Variants in ARAP2 observed in about 807,000 individuals in gnomAD.
ARAP2 encodes the protein ArfGAP with RhoGAP domain, ankyrin repeat and PH domain 2, also known as arf-GAP with Rho-GAP domain, ANK repeat and PH domain-containing protein 2.
In ARAP2, 148 loss-of-function variants were observed where a neutral mutation model predicts 194.5. The ratio of observed to expected loss-of-function variants is 0.76; its 90% confidence interval spans 0.67 to 0.87. The LOEUF is 0.87. Ranked by LOEUF, ARAP2 falls within the 40% of genes least tolerant of loss-of-function variation. The probability of loss-of-function intolerance (pLI) is 0.00; values close to 1 mark genes in which losing one functional copy is unlikely to be tolerated. For synonymous variants in ARAP2, 695 were observed against 683.5 expected (o/e 1.02, Z -0.26); for missense variants, 2,128 against 1,989.7 (o/e 1.07, Z -1.32).
chr4:36,065,380 A>C, downstream of ARAP2: 1 of 523,492 alleles, frequency 1.9e-6, no homozygotes. Context: ...TCATAGTGCC[A>C]GGGCCCCAGG....
At chr4:36,053,226 G>T (rs1262535494) in intron 2 of ARAP2, among the ~76,000 whole-genome samples, 1 of 151,738 alleles carries the variant, frequency 6.6e-6, no homozygotes, top group Non-Finnish European at 1.5e-5. Flanking sequence ...GGCTGGTCTT[G>T]AACTTTTGAC....
intron 5 of ARAP2, among the ~76,000 whole-genome samples, chr4:36,028,568 C>A (rs964239983): frequency 6.6e-6 from 1 of 150,724 alleles, no homozygotes; most frequent in Admixed American, 6.6e-5. Context: ...TGTACTTTTT[C>A]ATTTTCTTTC....
intron 24 of ARAP2, among the ~76,000 whole-genome samples, chr4:36,119,291 A>G (rs923419003): frequency 6.6e-6 from 1 of 151,504 alleles, no homozygotes; most frequent in African/African-American, 2.4e-5. Context: ...ATAACAATAG[A>G]AAGAATCACT....
At chr4:36,123,439 T>C (rs756357007) in intron 22 of ARAP2, among the ~76,000 whole-genome samples, 1 of 151,782 alleles carries the variant, frequency 6.6e-6, no homozygotes, top group Non-Finnish European at 1.5e-5. Context: ...TGCAGTATCA[T>C]CCCCTTTGGT....
At chr4:36,110,447 A>G (rs970219041) in intron 26 of ARAP2, among the ~76,000 whole-genome samples, 1 of 151,956 alleles carries the variant, frequency 6.6e-6, no homozygotes, top group Non-Finnish European at 1.5e-5. Context: ...TGGATCTCTC[A>G]GTGAAGCCTA....
At chr4:36,223,544 ATTG>A (rs1439302937) in intron 2 of ARAP2, among the ~76,000 whole-genome samples, 2 of 152,158 alleles carry the variant, frequency 1.3e-5, no homozygotes, top group African/African-American at 2.4e-5. Context: ...AAGAAAAACT[ATTG>A]TTGTGAATAA....
Position 36,128,994 on chromosome 4 carries a change from T to C in ARAP2, c.3428-249A>G, listed in dbSNP as rs140984523. On this transcript the variant is annotated intron_variant, in intron 20 of 32. Transcript: ENST00000303965. ...GCCCCTGATCAGTCCTTCCTCCAGC[T>C]CTCCATAGTATCTTTTCCAAATGTT... Among the ~76,000 whole-genome samples the C allele has an allele frequency of 1.2e-4, 18 of 152,026 alleles. No individual in the cohort carries two copies. The East Asian group carries it at 3.5e-3, about 30-fold the overall frequency.
At chr4:36,056,910 A>G (rs555851890) in intron 2 of ARAP2, among the ~76,000 whole-genome samples, 3 of 139,492 alleles carry the variant, frequency 2.2e-5, no homozygotes, top group Non-Finnish European at 5.0e-5. Context: ...ACAAGACATT[A>G]TATCATCATT....
rs1578270927 is a variant in ARAP2 at position 36,205,975 on chromosome 4, T to A, written c.1487+4415A>T. Among the ~76,000 whole-genome samples, 4 of 152,342 alleles carry A rather than the reference T, an allele frequency of 2.6e-5. No individual in the cohort carries two copies. In the South Asian group the frequency reaches 8.3e-4, roughly 32 times the overall value. ...GATTAAAAAGAAAACATACTTTTTATCAAGGATTTCGGATTCACTTTTAAG... is the reference window on the plus strand; with the variant it reads ...GATTAAAAAGAAAACATACTTTTTAACAAGGATTTCGGATTCACTTTTAAG... On this transcript the variant is annotated intron_variant, in intron 6 of 32. Transcript: ENST00000303965.
At chr4:36,173,963 C>T (rs113944785) in intron 9 of ARAP2, among the ~76,000 whole-genome samples, 7 of 152,146 alleles carry the variant, frequency 4.6e-5, no homozygotes, top group African/African-American at 1.4e-4. Context: ...CAATAATAAT[C>T]ATCATCATCA....
intron 8 of ARAP2, among the ~76,000 whole-genome samples, chr4:36,181,842 C>T (rs1469709098): frequency 6.6e-6 from 1 of 152,104 alleles, no homozygotes; most frequent in Non-Finnish European, 1.5e-5. Flanking sequence ...TACACAGTGG[C>T]AAGTGCAATT....
At chr4:36,130,860 A>G (rs1471874873) in intron 20 of ARAP2, among the ~76,000 whole-genome samples, 6 of 151,976 alleles carry the variant, frequency 3.9e-5, no homozygotes. Flanking sequence ...TTGAGATAGT[A>G]TATCCCCAGC....
intron 5 of ARAP2, among the ~76,000 whole-genome samples, chr4:36,020,050 C>T (rs952756298): frequency 2.6e-5 from 4 of 152,106 alleles, no homozygotes; most frequent in African/African-American, 4.8e-5. Flanking sequence ...CATCACTATT[C>T]TTGTATTTGA....
At position 36,058,135 on chromosome 4, in the gene ARAP2, A is replaced by AG. The variant is rs1159502127; in HGVS notation, n.155dup. 2.6e-5 allele frequency: 4 copies of AG among 152,140 alleles called. No homozygotes were observed. The East Asian group carries it at 7.7e-4, about 29-fold the overall frequency. 9.4% of individuals were successfully genotyped at this position (152,140 alleles called of 1,614,324 possible). ...CCAAATGAGAGCTTGTATGCTCACA[A>AG]GGGTCTCTCTGCATGATAGTAAATA... On this transcript the variant is annotated non_coding_transcript_exon_variant, in exon 2 of 13. Transcript: ENST00000503225.
At chr4:36,224,283 G>A (rs1431259402) in intron 2 of ARAP2, among the ~76,000 whole-genome samples, 5 of 142,466 alleles carry the variant, frequency 3.5e-5, no homozygotes, top group African/African-American at 1.4e-4. Flanking sequence ...CAGACTATGG[G>A]TCATTCTAGA....
At chr4:36,123,572 T>C (rs962378791) in intron 22 of ARAP2, among the ~76,000 whole-genome samples, 1 of 151,672 alleles carries the variant, frequency 6.6e-6, no homozygotes, top group Non-Finnish European at 1.5e-5. Context: ...CATTTCCAAG[T>C]GTTCCATATT....
chr4:36,076,289 G>A (rs1728237042), intron 31 of ARAP2, among the ~76,000 whole-genome samples: 1 of 151,810 alleles, frequency 6.6e-6, no homozygotes. Context: ...GTCTGTTCAG[G>A]GCCTCTGCTG....
chr4:36,183,702 G>C (rs1007645019), intron 8 of ARAP2, among the ~76,000 whole-genome samples: 5 of 152,216 alleles, frequency 3.3e-5, no homozygotes, highest in Non-Finnish European at 7.3e-5. Context: ...TTTGGGAAGT[G>C]TATTTTTTAA....
At chr4:36,042,006 A>T (rs943901063) in intron 5 of ARAP2, among the ~76,000 whole-genome samples, 6 of 152,042 alleles carry the variant, frequency 3.9e-5, no homozygotes, top group Admixed American at 2.6e-4. Context: ...CAAACAACAA[A>T]CACTGGGGTC....
Sources: gnomAD v4.1 joint callset for allele counts (sites outside exome capture counted in the v4.1 genomes callset) on GRCh38, gnomAD v4.1.1 for gene constraint, MANE v1.5 for transcripts, NCBI Gene and HGNC (gene_info 2026-07-23, HGNC 2026-07-21) for gene names.